HEATR4: variants seen among roughly 807,000 people sequenced by gnomAD.
The protein encoded by HEATR4 is HEAT repeat containing 4.
A neutral mutation model predicts 108.8 loss-of-function variants in HEATR4; 95 were observed. The ratio of observed to expected loss-of-function variants is 0.87; its 90% CI spans 0.74 to 1.04. The LOEUF is 1.04. Among genes scored for constraint, HEATR4 ranks in the 50% least tolerant of loss-of-function variants. HEATR4 has a pLI of 0.00. For synonymous variants in HEATR4, 443 were observed against 459.4 expected (o/e 0.96, Z 0.46); for missense variants, 1,152 against 1,253.8 (o/e 0.92, Z 1.23).
At chr14:73,599,745 T>C in the HEATR4 span, among the ~76,000 whole-genome samples, 1 of 152,176 alleles carries the variant, frequency 6.6e-6, no homozygotes, top group Non-Finnish European at 1.5e-5. Flanking sequence ...TAACCAAAGT[T>C]CAAGGAGAGC....
intron 14 of HEATR4, 55 bp from the exon 15 acceptor site, chr14:73,496,734 T>C: frequency 1.0e-6 from 1 of 965,224 alleles, no homozygotes; most frequent in South Asian, 1.3e-5. Flanking sequence ...TAAAAAAGTA[T>C]GGGGGTAGAA....
the HEATR4 span, chr14:73,631,551 C>A: frequency 0.024 from 3,857 of 158,308 alleles, 95 homozygotes; most frequent in South Asian, 0.11. Context: ...CCACTGGGTG[C>A]ACAGACAGCC....
At chr14:73,626,327 G>A in the HEATR4 span, among the ~76,000 whole-genome samples, 1 of 152,228 alleles carries the variant, frequency 6.6e-6, no homozygotes, top group East Asian at 1.9e-4. Flanking sequence ...ATTTTGTGTT[G>A]GGCCACATTC....
At chr14:73,573,434 T>G in the HEATR4 span, 1 of 1,613,742 alleles carries the variant, frequency 6.2e-7, no homozygotes, top group Non-Finnish European at 8.5e-7. Flanking sequence ...GAACTGGAGG[T>G]GGCCTGCTGG....
At chr14:73,489,038 A>T (rs1456459314) in intron 17 of HEATR4, among the ~76,000 whole-genome samples, 3 of 152,120 alleles carry the variant, frequency 2.0e-5, no homozygotes, top group South Asian at 2.1e-4. Flanking sequence ...AAAATAAAAT[A>T]AAAATAAAAA....
intron 10 of HEATR4, among the ~76,000 whole-genome samples, chr14:73,504,456 A>G (rs113480381): frequency 0.09 from 13,707 of 151,914 alleles, 835 homozygotes; most frequent in East Asian, 0.29. Flanking sequence ...GTTAGCCAGG[A>G]TGGTCTCGAT....
intron 16 of HEATR4, chr14:73,493,339 G>T: frequency 3.9e-6 from 2 of 511,178 alleles, no homozygotes; most frequent in Non-Finnish European, 7.1e-6. Flanking sequence ...TATCCTGTTT[G>T]TTATTGTTAA....
chr14:73,493,390 A>C lies in HEATR4; in HGVS notation c.2786-266T>G, dbSNP rs1885916442. 1.0e-5 allele frequency: 4 copies of C among 401,156 alleles called. No homozygotes were observed. The East Asian group carries it at 1.8e-4, about 19-fold the overall frequency. 24.8% of individuals were successfully genotyped at this position (401,156 alleles called of 1,614,324 possible). A position where few individuals can be genotyped will look rare whatever the true frequency, so the allele number is the denominator to read the frequency against. ...AGAAAAGTTATTAAAGTGCCAAAGA[A>C]TGTTTCCCTTTCCTAAGGCTAGATT... On this transcript the variant is annotated intron_variant, in intron 16 of 17. Coordinates refer to ENST00000553558, the MANE Select transcript of HEATR4 (RefSeq NM_001220484.1).
chr14:73,562,769 G>GA (rs1242799944), upstream of HEATR4, among the ~76,000 whole-genome samples: 6 of 151,994 alleles, frequency 3.9e-5, no homozygotes, highest in Admixed American at 3.9e-4. Flanking sequence ...CTAGGGTTGG[G>GA]AAAACTCCAC....
chr14:73,496,784 A>G (rs1369025487), intron 14 of HEATR4, 105 bp from the exon 15 acceptor site: 2 of 686,886 alleles, frequency 2.9e-6, no homozygotes, highest in Admixed American at 2.5e-5. Flanking sequence ...CCAAGTTCCA[A>G]TCCTAACTGT....
chr14:73,515,430 A>G (rs992842447), intron 5 of HEATR4, among the ~76,000 whole-genome samples: 2 of 152,062 alleles, frequency 1.3e-5, no homozygotes, highest in African/African-American at 2.4e-5. Flanking sequence ...CTGTAATCCC[A>G]GCACTTTGGG....
chr14:73,542,403 CTT>C (rs57839054), intron 1 of HEATR4, among the ~76,000 whole-genome samples: 11 of 83,450 alleles, frequency 1.3e-4, no homozygotes, highest in Non-Finnish European at 1.5e-4. Context: ...TTTTTTCTTT[CTT>C]TTTTTTTTTT....
chr14:73,590,445 T>TA, the HEATR4 span, among the ~76,000 whole-genome samples: 2 of 152,238 alleles, frequency 1.3e-5, no homozygotes, highest in Admixed American at 1.3e-4. Flanking sequence ...GGTTCGCAGG[T>TA]GGAGCTGCCT....
intron 15 of HEATR4, 40 bp downstream of exon 15, chr14:73,496,561 C>A (rs946875781): frequency 2.3e-6 from 3 of 1,278,770 alleles, no homozygotes; most frequent in Non-Finnish European, 3.4e-6. Flanking sequence ...TCTTGAGAGT[C>A]CTGAATTTTC....
the HEATR4 span, among the ~76,000 whole-genome samples, chr14:73,597,591 C>CTTTTTTTTTTTTTTT: frequency 4.1e-5 from 4 of 98,206 alleles, no homozygotes; most frequent in Non-Finnish European, 8.0e-5. Context: ...TTTTTCTTTT[C>CTTTTTTTTTTTTTTT]TTTTTTTTTT....
the HEATR4 span, among the ~76,000 whole-genome samples, chr14:73,585,023 T>C: frequency 6.6e-6 from 1 of 150,792 alleles, no homozygotes; most frequent in Admixed American, 6.6e-5. Flanking sequence ...ACCTCATGCC[T>C]GTCTTATGCC....
At chr14:73,568,345 A>T in the HEATR4 span, among the ~76,000 whole-genome samples, 1 of 140,260 alleles carries the variant, frequency 7.1e-6, no homozygotes, top group Non-Finnish European at 1.6e-5. Flanking sequence ...CCTAAAGCTT[A>T]AGTGATGAAA....
chr14:73,503,829 A>G (rs1265428166), intron 10 of HEATR4, among the ~76,000 whole-genome samples: 1 of 152,136 alleles, frequency 6.6e-6, no homozygotes, highest in Non-Finnish European at 1.5e-5. Context: ...CAGAAACTGC[A>G]TGCTTACTGA....
chr14:73,562,438 G>T (rs753907544), upstream of HEATR4, among the ~76,000 whole-genome samples: 25 of 152,050 alleles, frequency 1.6e-4, no homozygotes, highest in Non-Finnish European at 3.1e-4. Flanking sequence ...TGAACAATAC[G>T]AAATCAGTGC....
Sources: allele counts gnomAD v4.1 joint callset (sites outside exome capture counted in the v4.1 genomes callset), GRCh38; gene constraint gnomAD v4.1.1; transcripts MANE v1.5; gene names NCBI Gene and HGNC (gene_info 2026-07-23, HGNC 2026-07-21).